CABP5: variants seen among roughly 807,000 people sequenced by gnomAD.
CABP5 encodes the protein calcium binding protein 5, also known as calcium-binding protein 5.
Under a neutral mutation model 21.9 loss-of-function variants are expected in CABP5, and 17 were observed. The ratio of observed to expected loss-of-function variants is 0.78; its 90% confidence interval spans 0.53 to 1.17. The LOEUF is 1.17. CABP5 is among the 50% of genes most tolerant of loss of function. The pLI is 0.00. For missense variants in CABP5, 229 were observed against 228.9 expected (o/e 1.00, Z 0.00); for synonymous variants, 85 against 79.4 (o/e 1.07, Z -0.37).
At chr19:48,038,375 G>A (rs528698220) in intron 4 of CABP5, among the ~76,000 whole-genome samples, 3 of 152,306 alleles carry the variant, frequency 2.0e-5, no homozygotes, top group South Asian at 4.1e-4. Context: ...CTCTCAGAAC[G>A]AGAAGGTATT....
At chr19:48,035,458 G>A (rs563015634) in intron 4 of CABP5, among the ~76,000 whole-genome samples, 34 of 152,218 alleles carry the variant, frequency 2.2e-4, no homozygotes, top group Non-Finnish European at 2.8e-4. Flanking sequence ...TTAGCCAGGC[G>A]TGGTGGCGCA....
chr19:48,030,691 ATTAC>A (rs1967330020), intron 5 of CABP5, 109 bp from the exon 6 acceptor site: 3 of 1,004,792 alleles, frequency 3.0e-6, no homozygotes, highest in Non-Finnish European at 3.1e-6. Flanking sequence ...TCCCTGGGAA[ATTAC>A]TTAATCCCTC....
rs778350308 is a variant in CABP5 at position 48,030,516 on chromosome 19, T to C, written c.*41A>G. 2 of 1,599,368 alleles carry C rather than the reference T, an allele frequency of 1.3e-6. No homozygotes were observed. Among genetic ancestry groups the C allele is most frequent in the South Asian group, 2.2e-5 (2 of 89,122 alleles). ...TGGTTCTCCACAAGCGCTTGCTCCA[T>C]GTTGACCAGGTGGAGAGGGTCTGGA... On this transcript the variant is annotated 3_prime_UTR_variant, in exon 6 of 6. Coordinates refer to ENST00000293255, the MANE Select transcript of CABP5 (RefSeq NM_019855.5).
chr19:48,042,326 C>T (rs1430418054), intron 1 of CABP5, among the ~76,000 whole-genome samples: 1 of 152,200 alleles, frequency 6.6e-6, no homozygotes, highest in African/African-American at 2.4e-5. Flanking sequence ...GGCTTTCAGG[C>T]AGGAGGGTCA....
chr19:48,031,719 C>G (rs1967342364), intron 5 of CABP5, among the ~76,000 whole-genome samples: 1 of 152,106 alleles, frequency 6.6e-6, no homozygotes, highest in Non-Finnish European at 1.5e-5. Flanking sequence ...TTGCACCTGA[C>G]TTTGCTGTGG....
chr19:48,033,409 C>T (rs1207878500), intron 5 of CABP5, among the ~76,000 whole-genome samples: 1 of 152,152 alleles, frequency 6.6e-6, no homozygotes, highest in Non-Finnish European at 1.5e-5. Context: ...ATGCTGGGCT[C>T]AGTGCTAGGA....
Position 48,030,464 on chromosome 19 carries a change from T to G in CABP5, c.*93A>C. 1 of 1,353,920 alleles carries G rather than the reference T, an allele frequency of 7.4e-7. No homozygotes were observed. The highest frequency in any genetic ancestry group is 1.0e-6 in the Non-Finnish European group (1 of 966,496). The allele number at this position is 1,353,920 out of a possible 1,614,324, so 83.9% of individuals were successfully genotyped here. On this transcript the variant is annotated 3_prime_UTR_variant, in exon 6 of 6. Coordinates refer to ENST00000293255, the MANE Select transcript of CABP5 (RefSeq NM_019855.5). ...CTCCCGCCTGCCCTCCCTCTCTGCTTTAAGGGGATCTGGGGCTTTTGGGCT... is the reference window on the plus strand; with the variant it reads ...CTCCCGCCTGCCCTCCCTCTCTGCTGTAAGGGGATCTGGGGCTTTTGGGCT...
intron 1 of CABP5, 152 bp downstream of exon 1, chr19:48,043,708 A>C (rs79628650): frequency 1.1e-5 from 6 of 556,872 alleles, no homozygotes; most frequent in Non-Finnish European, 1.7e-5. Context: ...ACATGACCCC[A>C]CCAGGGTCCT....
At position 48,040,618 on chromosome 19, in the gene CABP5, T is replaced by C. The variant is rs1967468011; in HGVS notation, c.225A>G (p.Gln75=). Residue 75 remains glutamine, a synonymous_variant, in exon 3 of 6, where the codon CAA becomes CAG. Transcript: ENST00000293255. The stretch of plus-strand genomic sequence containing the variant: ...CCCTGGACTCACGGTTCATGCGGAT[T>C]TGCTGGCCGAGCTCAATCAGTTCCA... The part of the protein sequence containing the change: ...TEMELIELGQ[Q]IRMNLGGRVD... The C allele has an allele frequency of 6.2e-7, 1 of 1,613,774 alleles. No individual in the cohort carries two copies. Among genetic ancestry groups the C allele is most frequent in the Admixed American group, 1.7e-5 (1 of 59,978 alleles).
chr19:48,037,285 T>TTTTTTTTTTTTTGTGG (rs1967422079), intron 4 of CABP5, among the ~76,000 whole-genome samples: 1 of 131,578 alleles, frequency 7.6e-6, no homozygotes, highest in African/African-American at 3.2e-5. Context: ...TTTTTTTTTT[T>TTTTTTTTTTTTTGTGG]GAGGTGGAGT....
intron 1 of CABP5, 36 bp downstream of exon 1, chr19:48,043,824 C>T: frequency 6.8e-7 from 1 of 1,469,164 alleles, no homozygotes. Context: ...TCCCTTTGCC[C>T]CGCCCACCGC....
intron 4 of CABP5, among the ~76,000 whole-genome samples, chr19:48,036,340 T>G (rs1030410618): frequency 6.6e-5 from 10 of 152,198 alleles, no homozygotes; most frequent in Non-Finnish European, 1.3e-4. Flanking sequence ...GTCCTCCAGG[T>G]TCATTTGTGT....
In CABP5 at chr19:48,040,698, A is replaced by C. The variant is rs1277070951; in HGVS notation, c.145T>G (p.Ser49Ala). The C allele has an allele frequency of 2.5e-6, 4 of 1,613,920 alleles. No homozygotes were observed. The highest frequency in any genetic ancestry group is 3.4e-6 in the Non-Finnish European group (4 of 1,179,996). Residue 49 changes from serine to alanine, a missense_variant, in exon 3 of 6, where the codon TCT (serine) becomes GCT (alanine). Physicochemically the swap from Ser to Ala is moderately conservative, Grantham distance 99. Transcript: ENST00000293255. ...EFDKDRDGFI[S>A]CKDLGNLMRT... is the part of the protein sequence containing the mutation. ...ATGAGATTCCCCAGATCCTTACAAG[A>C]GATGAACCCATCTCGGTCCTTATCG...
At chr19:48,037,006 G>C (rs1777003132) in intron 4 of CABP5, among the ~76,000 whole-genome samples, 1 of 152,250 alleles carries the variant, frequency 6.6e-6, no homozygotes, top group Non-Finnish European at 1.5e-5. Context: ...ATGGAAATTA[G>C]CACAGCTATT....
chr19:48,032,620 G>A lies in CABP5; in HGVS notation c.496+1595C>T, dbSNP rs958516788. 7.4e-5 allele frequency among the ~76,000 whole-genome samples: 11 copies of A among 148,364 alleles called. No homozygotes were observed. The South Asian group carries it at 8.8e-4, about 12-fold the overall frequency. On this transcript the variant is annotated intron_variant, in intron 5 of 5. Transcript: ENST00000293255. ...CTAGGATTACAGGTGTGAGCCACGCGCCTGGCCTTTTTTTCTTTTTTTCTT... is the reference window on the plus strand; with the variant it reads ...CTAGGATTACAGGTGTGAGCCACGCACCTGGCCTTTTTTTCTTTTTTTCTT...
intron 5 of CABP5, among the ~76,000 whole-genome samples, chr19:48,032,655 T>C (rs1010899288): frequency 7.8e-6 from 1 of 128,688 alleles, no homozygotes; most frequent in Non-Finnish European, 1.8e-5. Context: ...TTTTTTGAGA[T>C]GGAGTCTCAC....
intron 2 of CABP5, chr19:48,041,245 T>A (rs1479770310): frequency 2.6e-6 from 1 of 385,092 alleles, no homozygotes. Flanking sequence ...AAAAGAGGCA[T>A]CATTCCTGAG....
chr19:48,043,855 C>A lies in CABP5; in HGVS notation c.63+5G>T. The A allele has an allele frequency of 6.7e-7, 1 of 1,501,048 alleles. No individual in the cohort carries two copies. Among genetic ancestry groups the A allele is most frequent in the Non-Finnish European group, 8.9e-7 (1 of 1,129,902 alleles). The allele number at this position is 1,501,048 out of a possible 1,614,324, so 93.0% of individuals were successfully genotyped here. ...ACCGCCCTTCCCCCTCACTCCCCAC[C>A]TCACCCGCTGTTTCTCAGCAATGCC... is the stretch of plus-strand genomic sequence containing the variant. On this transcript the variant is annotated splice_donor_5th_base_variant and intron_variant, in intron 1 of 5. Transcript: ENST00000293255.
In CABP5 at chr19:48,043,896, G is replaced by A. The variant is rs1169191860; in HGVS notation, c.27C>T (p.Cys9=). MQFPMGPA[C]IFLRKGIAEK... ...CAGCAATGCCTTTCCTCAAGAAGAT[G>A]CAGGCGGGGCCCATGGGGAACTGCA... Residue 9 remains cysteine (C), a synonymous_variant, in exon 1 of 6, where the codon TGC becomes TGT. Transcript: ENST00000293255. The A allele has an allele frequency of 1.3e-6, 2 of 1,493,506 alleles. No homozygotes were observed. Among genetic ancestry groups the A allele is most frequent in the East Asian group, 2.7e-5 (1 of 36,570 alleles). 92.5% of individuals were successfully genotyped at this position (1,493,506 alleles called of 1,614,324 possible). A position where few individuals can be genotyped will look rare whatever the true frequency, so the allele number is the denominator to read the frequency against.
Sources: allele counts gnomAD v4.1 joint callset (sites outside exome capture counted in the v4.1 genomes callset), GRCh38; gene constraint gnomAD v4.1.1; transcripts MANE v1.5; gene names NCBI Gene and HGNC (gene_info 2026-07-23, HGNC 2026-07-21).